The following FDCSP variants were observed in gnomAD, a reference collection of about 807,000 sequenced individuals.
FDCSP encodes follicular dendritic cell secreted protein.
A neutral mutation model predicts 8.9 loss-of-function variants in FDCSP; 8 were observed. The observed-to-expected ratio is 0.90, with a 90% CI of 0.53 to 1.63. The LOEUF (loss-of-function observed/expected upper bound fraction) is 1.63, where lower values mean the gene tolerates loss of function less well. Among genes scored for constraint, FDCSP ranks in the 40% most tolerant of loss-of-function variants. The probability of loss-of-function intolerance (pLI) is 0.00; values close to 1 mark genes in which losing one functional copy is unlikely to be tolerated. For missense variants in FDCSP, 101 were observed against 103.6 expected (o/e 0.98, Z 0.11); for synonymous variants, 34 against 34.5 (o/e 0.98, Z 0.06).
intron 1 of FDCSP, among the ~76,000 whole-genome samples, chr4:70,230,088 C>A (rs771212075): frequency 2.6e-5 from 4 of 151,608 alleles, no homozygotes. Context: ...AGAATAACAT[C>A]TCATGCTTAG....
intron 2 of FDCSP, 33 bp from the exon 3 acceptor site, chr4:70,232,961 T>C (rs748650910): frequency 1.9e-6 from 3 of 1,564,880 alleles, no homozygotes; most frequent in Non-Finnish European, 1.7e-6. Context: ...TTCATGAGCA[T>C]GAGTTTAATT....
At chr4:70,231,725 C>T (rs550299143) in intron 2 of FDCSP, among the ~76,000 whole-genome samples, 2 of 151,800 alleles carry the variant, frequency 1.3e-5, no homozygotes, top group Non-Finnish European at 3.0e-5. Flanking sequence ...ACTCCTTCTA[C>T]TATTTTTTAA....
intron 3 of FDCSP, among the ~76,000 whole-genome samples, chr4:70,233,667 GAGA>G (rs887969346): frequency 6.6e-6 from 1 of 151,634 alleles, no homozygotes; most frequent in Non-Finnish European, 1.5e-5. Context: ...TAATGAAAGA[GAGA>G]AGTTGTTTCC....
chr4:70,233,162 C>T (rs1358133751), intron 3 of FDCSP, 136 bp downstream of exon 3: 8 of 664,446 alleles, frequency 1.2e-5, no homozygotes, highest in Non-Finnish European at 2.0e-5. Context: ...TAGCACTCAA[C>T]AGAGGTTTAG....
In FDCSP at chr4:70,234,053, T is replaced by G. The variant is rs1224202890; in HGVS notation, c.124T>G (p.Phe42Val). Reference sequence around the variant, plus strand: ...CAGCGATGAATTAGCTTCAGGGTTTTTTGTGTTCCCTTACCCATATCCATT... The same window carrying G: ...CAGCGATGAATTAGCTTCAGGGTTTGTTGTGTTCCCTTACCCATATCCATT... The part of the protein sequence containing the change: ...SDSDELASGF[F>V]VFPYPYPFRP... Residue 42 changes from phenylalanine (F) to valine (V), a missense_variant, in exon 4 of 5, where the codon TTT becomes GTT. Transcript: ENST00000317987. The G allele has an allele frequency of 1.2e-6, 2 of 1,607,790 alleles. No individual in the cohort carries two copies. The highest frequency in any genetic ancestry group is 1.7e-6 in the Non-Finnish European group (2 of 1,176,570).
At position 70,234,022 on chromosome 4, in the gene FDCSP, C is replaced by G. The variant is rs1160331159; in HGVS notation, c.93C>G (p.Ile31Met). 6.2e-7 allele frequency: 1 copy of G among 1,603,264 alleles called. No homozygotes were observed. Residue 31 changes from isoleucine (I) to methionine (M), a missense_variant and splice_region_variant, in exon 4 of 5, where the codon ATC (isoleucine) becomes ATG (methionine). Ile to Met is a conservative substitution (Grantham distance 10). Transcript: ENST00000317987. ...SQDQEREKRS[I>M]SDSDELASGF... is the part of the protein sequence containing the mutation. ...CTTTAACTTCTTTCTTTCAACAGAT[C>G]AGTGACAGCGATGAATTAGCTTCAG...
chr4:70,231,893 C>T (rs558877690), intron 2 of FDCSP, among the ~76,000 whole-genome samples: 2 of 151,736 alleles, frequency 1.3e-5, no homozygotes, highest in Non-Finnish European at 3.0e-5. Flanking sequence ...ATTGATGACC[C>T]TGACCCTCTG....
Position 70,235,122 on chromosome 4 carries a change from A to T in FDCSP, c.*66A>T, listed in dbSNP as rs1486075238. The T allele has an allele frequency of 1.3e-5, 2 of 151,798 alleles. No homozygotes were observed. The highest frequency in any genetic ancestry group is 2.9e-5 in the Non-Finnish European group (2 of 67,850). 9.4% of individuals were successfully genotyped at this position (151,798 alleles called of 1,614,324 possible). ...TGAAATTGAGCCACTTCCTTGAAGA[A>T]TCAAAATTCCTGTTAATAAAAGAAA... On this transcript the variant is annotated 3_prime_UTR_variant, in exon 5 of 5. Transcript: ENST00000317987.
chr4:70,228,395 C>G (rs2109683493), intron 1 of FDCSP, among the ~76,000 whole-genome samples: 1 of 151,896 alleles, frequency 6.6e-6, no homozygotes, highest in Admixed American at 6.6e-5. Context: ...TCCACCACAT[C>G]TGCAAGTTAC....
chr4:70,234,704 A>G (rs904968049), intron 4 of FDCSP, among the ~76,000 whole-genome samples: 8 of 151,496 alleles, frequency 5.3e-5, no homozygotes, highest in South Asian at 2.1e-4. Flanking sequence ...TGCTTCACCT[A>G]TAACAGTGGC....
intron 4 of FDCSP, among the ~76,000 whole-genome samples, chr4:70,234,733 T>C (rs1392040346): frequency 6.6e-6 from 1 of 151,300 alleles, no homozygotes; most frequent in African/African-American, 2.4e-5. Flanking sequence ...TTTCATCACA[T>C]CAAAAACAAA....
At chr4:70,233,931 TA>T in intron 3 of FDCSP, 88 bp from the exon 4 acceptor site, 1 of 1,245,742 alleles carries the variant, frequency 8.0e-7, no homozygotes, top group Non-Finnish European at 1.1e-6. Context: ...TTCCTAAAAA[TA>T]AAGGCCCATT....
In FDCSP at chr4:70,234,130, T is replaced by C. The variant is rs1560493121; in HGVS notation, c.201T>C (p.Asn67=). ...PFPRFPWFRR[N]FPIPIPESAP... ...CAAGATTTCCATGGTTTAGACGTAA[T>C]TTTCCTATTCCAATACCTGAATCTG... Residue 67 remains asparagine, a synonymous_variant, in exon 4 of 5, where the codon AAT becomes AAC. Transcript: ENST00000317987. 6.2e-7 allele frequency: 1 copy of C among 1,611,422 alleles called. No homozygotes were observed. Among genetic ancestry groups the C allele is most frequent in the East Asian group, 2.2e-5 (1 of 44,786 alleles).
At position 70,233,167 on chromosome 4, in the gene FDCSP, G is replaced by A. The variant is rs112507191; in HGVS notation, c.90+141G>A. The stretch of plus-strand genomic sequence containing the variant: ...CTTTTGGTATTAGCACTCAACAGAG[G>A]TTTAGACTTCAGGTATTTGAGCTCT... On this transcript the variant is annotated intron_variant, in intron 3 of 4. Coordinates refer to ENST00000317987, the MANE Select transcript of FDCSP (RefSeq NM_152997.4). The A allele has an allele frequency of 2.3e-3, 1,440 of 621,176 alleles. 15 individuals are homozygous for A. The African/African-American group carries it at 0.025, about 11-fold the overall frequency. 38.5% of individuals were successfully genotyped at this position (621,176 alleles called of 1,614,324 possible).
chr4:70,234,028 C>T lies in FDCSP; in HGVS notation c.99C>T (p.Asp33=). Reference sequence around the variant, plus strand: ...CTTCTTTCTTTCAACAGATCAGTGACAGCGATGAATTAGCTTCAGGGTTTT... The same window carrying T: ...CTTCTTTCTTTCAACAGATCAGTGATAGCGATGAATTAGCTTCAGGGTTTT... ...DQEREKRSIS[D]SDELASGFFV... Residue 33 remains aspartate (D), a synonymous_variant, in exon 4 of 5, where the codon GAC becomes GAT. Transcript: ENST00000317987. 1 of 1,604,242 alleles carries T rather than the reference C, an allele frequency of 6.2e-7. No individual in the cohort carries two copies.
intron 1 of FDCSP, among the ~76,000 whole-genome samples, 166 bp from the exon 2 acceptor site, chr4:70,231,029 T>C (rs1454736426): frequency 6.6e-6 from 1 of 151,760 alleles, no homozygotes; most frequent in Non-Finnish European, 1.5e-5. Flanking sequence ...AACAAATAGA[T>C]TGATTCCCTA....
At chr4:70,234,308 G>T in intron 4 of FDCSP, 93 bp downstream of exon 4, 4 of 1,028,776 alleles carry the variant, frequency 3.9e-6, no homozygotes, top group Non-Finnish European at 5.5e-6. Flanking sequence ...TATGTCCCTA[G>T]TTGGCCCCTT....
At chr4:70,233,095 T>TATTG (rs1019027296) in intron 3 of FDCSP, 69 bp downstream of exon 3, 2 of 1,366,490 alleles carry the variant, frequency 1.5e-6, no homozygotes, top group African/African-American at 3.0e-5. Flanking sequence ...TTGTTAAAGA[T>TATTG]ATTGATTTAT....
rs781620798 is a variant in FDCSP, at chr4:70,231,184, C to T, written c.1-11C>T. Reference sequence around the variant, plus strand: ...AAGTTCTTCTTATTTTTTATTTACTCCATTTTGCAGATGAAGAAAGTTCTC... The same window carrying T: ...AAGTTCTTCTTATTTTTTATTTACTTCATTTTGCAGATGAAGAAAGTTCTC... On this transcript the variant is annotated splice_polypyrimidine_tract_variant and intron_variant, in intron 1 of 4. Coordinates refer to ENST00000317987, the MANE Select transcript of FDCSP (RefSeq NM_152997.4). 18 of 1,585,730 alleles carry T rather than the reference C, an allele frequency of 1.1e-5. No individual in the cohort carries two copies. Among genetic ancestry groups the T allele is most frequent in the Non-Finnish European group, 1.2e-5 (14 of 1,165,270 alleles).
Sources: allele counts gnomAD v4.1 joint callset (sites outside exome capture counted in the v4.1 genomes callset), GRCh38; gene constraint gnomAD v4.1.1; transcripts MANE v1.5; gene names NCBI Gene and HGNC (gene_info 2026-07-23, HGNC 2026-07-21).